Variants in KLHL6 observed in about 807,000 individuals in gnomAD.
KLHL6 encodes kelch-like protein 6.
A neutral mutation model predicts 58.6 loss-of-function variants in KLHL6; 41 were observed. The observed-to-expected ratio is 0.70, with a 90% CI of 0.55 to 0.91. The LOEUF (loss-of-function observed/expected upper bound fraction) is 0.91, where lower values mean the gene tolerates loss of function less well. Ranked by LOEUF, KLHL6 falls within the 40% of genes least tolerant of loss-of-function variation. The pLI is 0.00. For synonymous variants in KLHL6, 338 were observed against 322.7 expected, an observed-to-expected ratio of 1.05 and a Z score of -0.51; for missense variants, 714 against 805.6, an observed-to-expected ratio of 0.89 and a Z score of 1.38.
chr3:183,534,700 G>A (rs76822811), intron 1 of KLHL6, among the ~76,000 whole-genome samples: 13,130 of 151,642 alleles, frequency 0.087, 626 homozygotes, highest in Non-Finnish European at 0.097. Context: ...CACCATGCCC[G>A]GCCCCATTTT....
At chr3:183,503,824 A>G (rs1428851401) in intron 3 of KLHL6, among the ~76,000 whole-genome samples, 1 of 152,162 alleles carries the variant, frequency 6.6e-6, no homozygotes, top group Non-Finnish European at 1.5e-5. Flanking sequence ...AAAGATGATG[A>G]TAGGACAAGA....
At chr3:183,506,470 A>C (rs1456828429) in intron 3 of KLHL6, among the ~76,000 whole-genome samples, 3 of 152,228 alleles carry the variant, frequency 2.0e-5, no homozygotes, top group African/African-American at 7.2e-5. Context: ...TACATATAAT[A>C]AATTCAAATC....
intron 1 of KLHL6, among the ~76,000 whole-genome samples, chr3:183,535,860 C>G (rs1352625797): frequency 2.0e-5 from 3 of 152,218 alleles, no homozygotes; most frequent in Admixed American, 6.5e-5. Context: ...ACTGCAAGCT[C>G]TGCCTCCCGG....
chr3:183,505,259 T>C (rs1015168082), intron 3 of KLHL6, among the ~76,000 whole-genome samples: 1 of 152,236 alleles, frequency 6.6e-6, no homozygotes, highest in African/African-American at 2.4e-5. Flanking sequence ...ACAGACTGTT[T>C]AGCAGTACCT....
At chr3:183,549,789 C>A (rs2108699903) in intron 1 of KLHL6, among the ~76,000 whole-genome samples, 1 of 152,262 alleles carries the variant, frequency 6.6e-6, no homozygotes, top group East Asian at 1.9e-4. Context: ...AAATAAAAGA[C>A]AGAGGCCAGG....
chr3:183,534,825 G>A (rs549822085), intron 1 of KLHL6, among the ~76,000 whole-genome samples: 16 of 151,536 alleles, frequency 1.1e-4, no homozygotes, highest in Non-Finnish European at 1.8e-4. Context: ...TGACTAATGC[G>A]ATAACTTACA....
At position 183,499,838 on chromosome 3, in the gene KLHL6, A is replaced by T. The variant is rs371501707; in HGVS notation, c.910-11T>A. The T allele has an allele frequency of 3.9e-6, 6 of 1,553,022 alleles. No individual in the cohort carries two copies. Among genetic ancestry groups the T allele is most frequent in the Non-Finnish European group, 5.2e-6 (6 of 1,145,232 alleles). On this transcript the variant is annotated splice_polypyrimidine_tract_variant and intron_variant, in intron 3 of 6. Transcript: ENST00000341319. The surrounding 1 kb of genome is among the most constrained non-coding windows in gnomAD (Gnocchi z 4.6). ...GCGTTCCGAAATGATCTGGAAATCG[A>T]TGGGGGTACATGAAGGCAGGGACAA...
At chr3:183,498,325 C>A (rs1437451466) in intron 4 of KLHL6, among the ~76,000 whole-genome samples, 2 of 152,184 alleles carry the variant, frequency 1.3e-5, no homozygotes, top group Non-Finnish European at 2.9e-5. Context: ...AAAGAATGAC[C>A]TGCCCTTGAT....
In KLHL6 at chr3:183,492,026, C is replaced by T. The variant is rs200115883; in HGVS notation, c.1767G>A (p.Glu589=). The change falls in exon 7 of 7, where the codon GAG becomes GAA. Residue 589 remains glutamate (E), a synonymous_variant. Coordinates refer to ENST00000341319, the MANE Select transcript of KLHL6 (RefSeq NM_130446.4). This position sits in a 1 kb window ranked among gnomAD's most constrained non-coding sequence, Gnocchi z 5.9. ...WDPEAQKLTE[E]CVLPRGVSHH... is the part of the protein sequence containing the mutation. Reference sequence around the variant, plus strand: ...GCGACACGCCCCGGGGCAGGACGCACTCCTCTGTCAGTTTCTGGGCCTCGG... The same window carrying T: ...GCGACACGCCCCGGGGCAGGACGCATTCCTCTGTCAGTTTCTGGGCCTCGG... 1.4e-5 allele frequency: 23 copies of T among 1,613,762 alleles called. No homozygotes were observed. The highest frequency in any genetic ancestry group is 1.8e-5 in the Non-Finnish European group (21 of 1,179,788).
intron 1 of KLHL6, among the ~76,000 whole-genome samples, chr3:183,534,910 GTATATATGTATGCATATATATACATA>G (rs1712308170): frequency 1.4e-5 from 2 of 146,164 alleles, no homozygotes; most frequent in East Asian, 4.0e-4. Flanking sequence ...ATGTATGTAT[GTATATATGTATGCATATATATACATA>G]TATATATATA....
At chr3:183,526,812 A>C (rs1711987095) in intron 2 of KLHL6, among the ~76,000 whole-genome samples, 1 of 152,072 alleles carries the variant, frequency 6.6e-6, no homozygotes, top group South Asian at 2.1e-4. Context: ...AAGTATATTA[A>C]AGTTGGCTGG....
intron 1 of KLHL6, among the ~76,000 whole-genome samples, chr3:183,539,879 C>T (rs542962059): frequency 2.4e-4 from 37 of 152,284 alleles, no homozygotes; most frequent in African/African-American, 8.9e-4. Flanking sequence ...CTCAGCTTGC[C>T]ATGAAATTCT....
In KLHL6 at chr3:183,504,030, T is replaced by C. The variant is rs35413047; in HGVS notation, c.909+4029A>G. Among the ~76,000 whole-genome samples the C allele has an allele frequency of 4.3e-3, 661 of 152,148 alleles. 5 individuals carry two copies. The highest frequency in any genetic ancestry group is 0.015 in the African/African-American group (631 of 41,486). On this transcript the variant is annotated intron_variant, in intron 3 of 6. Coordinates refer to ENST00000341319, the MANE Select transcript of KLHL6 (RefSeq NM_130446.4). ...TTGGTTGGTTCAGTTGTCCAAACTA[T>C]AAAATGAAGATGAGAAAGTGCCTTG...
intron 2 of KLHL6, among the ~76,000 whole-genome samples, chr3:183,523,992 A>G (rs984703900): frequency 6.6e-6 from 1 of 152,064 alleles, no homozygotes; most frequent in Non-Finnish European, 1.5e-5. Flanking sequence ...AACTCCTGAC[A>G]TCAGGTGATG....
intron 1 of KLHL6, 140 bp from the exon 2 acceptor site, chr3:183,528,150 T>A: frequency 1.2e-6 from 1 of 839,196 alleles, no homozygotes; most frequent in Non-Finnish European, 1.9e-6. Flanking sequence ...CTCTCTGTTC[T>A]CCAGCACCCC....
At chr3:183,550,445 A>G (rs1248809870) in intron 1 of KLHL6, among the ~76,000 whole-genome samples, 2 of 152,118 alleles carry the variant, frequency 1.3e-5, no homozygotes, top group Non-Finnish European at 2.9e-5. Context: ...ACACGCACGC[A>G]CACACACACC....
chr3:183,533,395 T>A (rs2108688091), intron 1 of KLHL6, among the ~76,000 whole-genome samples: 1 of 151,662 alleles, frequency 6.6e-6, no homozygotes, highest in South Asian at 2.1e-4. Flanking sequence ...TCCCTCAGGC[T>A]CCCCAGTAGC....
chr3:183,498,763 C>T (rs545702150), intron 4 of KLHL6, among the ~76,000 whole-genome samples: 1 of 152,322 alleles, frequency 6.6e-6, no homozygotes, highest in Admixed American at 6.5e-5. Flanking sequence ...TGTTGCCCCT[C>T]ATGGAACTCC....
At chr3:183,511,531 C>T (rs957380582) in intron 2 of KLHL6, among the ~76,000 whole-genome samples, 2 of 152,214 alleles carry the variant, frequency 1.3e-5, no homozygotes, top group Non-Finnish European at 2.9e-5. Flanking sequence ...ATGGTCAGGT[C>T]TTTCCCATCC....
Sources: allele counts gnomAD v4.1 joint callset (sites outside exome capture counted in the v4.1 genomes callset), GRCh38; gene constraint gnomAD v4.1.1; non-coding constraint Gnocchi (gnomAD v3.1); transcripts MANE v1.5; gene names NCBI Gene and HGNC (gene_info 2026-07-23, HGNC 2026-07-21).